Variants in GMDS observed in about 807,000 individuals in gnomAD.
GMDS encodes the protein GDP-mannose 4,6-dehydratase.
In GMDS, 20 loss-of-function variants were observed where a neutral mutation model predicts 49.9. The observed-to-expected ratio is 0.40, with a 90% confidence interval of 0.28 to 0.58. The LOEUF (loss-of-function observed/expected upper bound fraction) is 0.58, where lower values mean the gene tolerates loss of function less well. Ranked by LOEUF, GMDS falls within the 20% of genes least tolerant of loss-of-function variation. The probability of loss-of-function intolerance (pLI) is 0.42; values close to 1 mark genes in which losing one functional copy is unlikely to be tolerated. For missense variants in GMDS, 362 were observed against 481.4 expected (o/e 0.75, Z 2.32); for synonymous variants, 177 against 178.6 (o/e 0.99, Z 0.07).
chr6:1,672,398 G>A (rs959517144), intron 9 of GMDS, among the ~76,000 whole-genome samples: 1 of 152,256 alleles, frequency 6.6e-6, no homozygotes, highest in Non-Finnish European at 1.5e-5. Context: ...GCAGGCATGT[G>A]TAAACAGAGA....
At chr6:1,757,831 T>G (rs1245439813) in intron 7 of GMDS, among the ~76,000 whole-genome samples, 1 of 152,234 alleles carries the variant, frequency 6.6e-6, no homozygotes, top group Non-Finnish European at 1.5e-5. Context: ...AATATAAAAT[T>G]TTCTATCAGT....
chr6:2,096,209 A>G (rs1773595340), intron 4 of GMDS, among the ~76,000 whole-genome samples: 1 of 151,862 alleles, frequency 6.6e-6, no homozygotes, highest in Non-Finnish European at 1.5e-5. Flanking sequence ...GTAGATCTTA[A>G]TTTTAATGAT....
intron 1 of GMDS, among the ~76,000 whole-genome samples, chr6:2,203,809 T>G (rs778826292): frequency 6.6e-6 from 1 of 152,172 alleles, no homozygotes; most frequent in Admixed American, 6.5e-5. Context: ...GGAAGGCAGG[T>G]GAAACATCAT....
At chr6:2,186,045 C>T (rs1007024693) in intron 1 of GMDS, among the ~76,000 whole-genome samples, 1 of 152,134 alleles carries the variant, frequency 6.6e-6, no homozygotes, top group Middle Eastern at 3.2e-3. Context: ...ACCAATGAGT[C>T]CCAAACTTGG....
intron 6 of GMDS, among the ~76,000 whole-genome samples, chr6:1,949,651 C>T (rs1385066025): frequency 1.3e-5 from 2 of 152,146 alleles, no homozygotes; most frequent in South Asian, 2.1e-4. Flanking sequence ...GCTTTGTGAT[C>T]GCCAAGTGTA....
At chr6:2,183,187 A>AT (rs1419488754) in intron 1 of GMDS, among the ~76,000 whole-genome samples, 105 of 152,130 alleles carry the variant, frequency 6.9e-4, no homozygotes, top group African/African-American at 2.5e-3. Context: ...TAAGAAATGC[A>AT]TTTTTCTTAG....
intron 7 of GMDS, among the ~76,000 whole-genome samples, chr6:1,824,261 T>A (rs1771015069): frequency 6.6e-6 from 1 of 152,114 alleles, no homozygotes; most frequent in South Asian, 2.1e-4. Flanking sequence ...GCAATTCTTG[T>A]CACATTCTCT....
chr6:1,799,184 G>T (rs574359971), intron 7 of GMDS, among the ~76,000 whole-genome samples: 5 of 152,254 alleles, frequency 3.3e-5, no homozygotes, highest in African/African-American at 1.2e-4. Context: ...GAGGGTGGAG[G>T]GTGCGGGTGG....
At chr6:1,826,725 C>A (rs897053259) in intron 7 of GMDS, among the ~76,000 whole-genome samples, 2 of 151,982 alleles carry the variant, frequency 1.3e-5, no homozygotes, top group African/African-American at 4.8e-5. Flanking sequence ...ATTTTAGAAG[C>A]CCAGTATGTA....
chr6:1,738,202 CACAT>C (rs1216783865), intron 8 of GMDS, among the ~76,000 whole-genome samples: 2 of 151,982 alleles, frequency 1.3e-5, no homozygotes, highest in Non-Finnish European at 2.9e-5. Context: ...CATACACACA[CACAT>C]ACACACACAC....
At chr6:1,934,903 G>T (rs888201075) in intron 6 of GMDS, among the ~76,000 whole-genome samples, 3 of 152,168 alleles carry the variant, frequency 2.0e-5, no homozygotes. Context: ...CACCTGTCCT[G>T]AGTCAGGACA....
intron 4 of GMDS, among the ~76,000 whole-genome samples, chr6:2,052,000 C>T (rs900144904): frequency 1.1e-4 from 17 of 151,622 alleles, no homozygotes; most frequent in African/African-American, 3.9e-4. Context: ...ACCTGTAATC[C>T]CAGCTACATG....
intron 9 of GMDS, among the ~76,000 whole-genome samples, chr6:1,667,304 T>C (rs1764266423): frequency 6.6e-6 from 1 of 152,210 alleles, no homozygotes; most frequent in African/African-American, 2.4e-5. Context: ...GCAGGCAAAA[T>C]GCAGTCACGC....
intron 7 of GMDS, among the ~76,000 whole-genome samples, chr6:1,913,306 G>A (rs982326183): frequency 2.0e-4 from 30 of 149,986 alleles, no homozygotes; most frequent in African/African-American, 6.4e-4. Context: ...GCGTGAACCC[G>A]GGAGGCGGAG....
At chr6:2,093,876 T>A (rs1773453484) in intron 4 of GMDS, among the ~76,000 whole-genome samples, 1 of 152,210 alleles carries the variant, frequency 6.6e-6, no homozygotes, top group African/African-American at 2.4e-5. Context: ...ACTTTTGTAT[T>A]ATTAAAATTT....
intron 9 of GMDS, among the ~76,000 whole-genome samples, chr6:1,657,730 G>C (rs1313128959): frequency 2.0e-5 from 3 of 152,052 alleles, no homozygotes; most frequent in Non-Finnish European, 4.4e-5. Flanking sequence ...GTCGGGGGCA[G>C]GTGCCCCGCA....
intron 7 of GMDS, among the ~76,000 whole-genome samples, chr6:1,798,432 T>C (rs1460220429): frequency 6.6e-6 from 1 of 152,206 alleles, no homozygotes; most frequent in East Asian, 1.9e-4. Flanking sequence ...GTTTCTGTAC[T>C]TAGTTCTCAG....
chr6:2,024,854 C>G (rs1768487062), intron 4 of GMDS, among the ~76,000 whole-genome samples: 1 of 151,424 alleles, frequency 6.6e-6, no homozygotes, highest in Non-Finnish European at 1.5e-5. Context: ...CACTCAAATA[C>G]ACTGAAAGCA....
At chr6:1,669,483 T>G (rs1368692681) in intron 9 of GMDS, among the ~76,000 whole-genome samples, 1 of 152,216 alleles carries the variant, frequency 6.6e-6, no homozygotes, top group Non-Finnish European at 1.5e-5. Context: ...GGATGACACC[T>G]TCCTATGTCA....
Sources: gnomAD v4.1 joint callset for allele counts (sites outside exome capture counted in the v4.1 genomes callset) on GRCh38, gnomAD v4.1.1 for gene constraint, MANE v1.5 for transcripts, NCBI Gene and HGNC (gene_info 2026-07-23, HGNC 2026-07-21) for gene names.